ASPRV1: variants seen among roughly 807,000 people sequenced by gnomAD.
ASPRV1 encodes the protein retroviral-like aspartic protease 1.
Under a neutral mutation model 11.0 loss-of-function variants are expected in ASPRV1, and 7 were observed. The observed-to-expected ratio is 0.64, with a 90% CI of 0.36 to 1.20. The LOEUF (loss-of-function observed/expected upper bound fraction) is 1.20. Ranked by LOEUF, ASPRV1 falls within the 50% of genes most tolerant of loss-of-function variation. ASPRV1 has a pLI of 0.02. For missense variants in ASPRV1, 299 were observed against 320.0 expected, an observed-to-expected ratio of 0.93 and a Z score of 0.50; for synonymous variants, 136 against 138.4, an observed-to-expected ratio of 0.98 and a Z score of 0.12.
At chr2:70,063,568 T>C in the ASPRV1 span, among the ~76,000 whole-genome samples, 1 of 152,204 alleles carries the variant, frequency 6.6e-6, no homozygotes, top group Non-Finnish European at 1.5e-5. Flanking sequence ...TGCAGGCTTC[T>C]GTACATGCAA....
the ASPRV1 span, chr2:69,937,947 G>C: frequency 5.8e-6 from 4 of 685,456 alleles, no homozygotes; most frequent in Non-Finnish European, 9.7e-6. Flanking sequence ...GGGTTTCACT[G>C]TGTTGGCCCA....
the ASPRV1 span, chr2:69,976,475 T>C: frequency 7.3e-4 from 111 of 152,336 alleles, no homozygotes; most frequent in African/African-American, 2.5e-3. Context: ...CTCGGGTTCT[T>C]GGATAGCAGA....
the ASPRV1 span, among the ~76,000 whole-genome samples, chr2:69,977,346 G>A: frequency 6.6e-6 from 1 of 152,164 alleles, no homozygotes; most frequent in Non-Finnish European, 1.5e-5. Flanking sequence ...ACTGTGGGTG[G>A]GAAGTCACTG....
the ASPRV1 span, among the ~76,000 whole-genome samples, chr2:70,068,027 G>A: frequency 1.3e-5 from 2 of 152,172 alleles, no homozygotes; most frequent in African/African-American, 2.4e-5. Context: ...GTCTACCTCT[G>A]AAATGTTAAC....
the ASPRV1 span, among the ~76,000 whole-genome samples, chr2:69,934,568 G>T: frequency 2.4e-4 from 37 of 152,130 alleles, no homozygotes; most frequent in Non-Finnish European, 4.7e-4. Context: ...ATCTCTGTCT[G>T]ACTGTTCCTT....
the ASPRV1 span, among the ~76,000 whole-genome samples, chr2:69,970,500 G>A: frequency 6.6e-6 from 1 of 152,110 alleles, no homozygotes; most frequent in Non-Finnish European, 1.5e-5. Flanking sequence ...AAGCCACTCA[G>A]CCAGATGAGC....
At chr2:70,002,550 G>C in the ASPRV1 span, among the ~76,000 whole-genome samples, 2 of 152,338 alleles carry the variant, frequency 1.3e-5, no homozygotes, top group African/African-American at 2.4e-5. Flanking sequence ...CTAGTTCTAT[G>C]AAGATGCCTA....
chr2:70,054,534 G>A, the ASPRV1 span, among the ~76,000 whole-genome samples: 2 of 151,732 alleles, frequency 1.3e-5, no homozygotes, highest in Non-Finnish European at 2.9e-5. Flanking sequence ...CCGAGATCGC[G>A]CCACTGCACT....
the ASPRV1 span, chr2:69,975,702 C>T: frequency 1.3e-5 from 2 of 152,424 alleles, no homozygotes; most frequent in Admixed American, 6.5e-5. Flanking sequence ...GTGCCCAGCA[C>T]GCAGTAGGGG....
chr2:70,040,056 T>G, the ASPRV1 span, among the ~76,000 whole-genome samples: 1 of 152,198 alleles, frequency 6.6e-6, no homozygotes, highest in Non-Finnish European at 1.5e-5. Context: ...TTAAGAGCTA[T>G]CCAGGTTACA....
downstream of ASPRV1, among the ~76,000 whole-genome samples, chr2:69,955,167 C>CT (rs1473737210): frequency 2.0e-5 from 3 of 152,218 alleles, no homozygotes; most frequent in Non-Finnish European, 4.4e-5. Flanking sequence ...GGCGTCATGT[C>CT]TGACAGCTGC....
chr2:70,076,859 G>C, the ASPRV1 span, among the ~76,000 whole-genome samples: 1 of 152,198 alleles, frequency 6.6e-6, no homozygotes, highest in African/African-American at 2.4e-5. Context: ...GAACGTGTCA[G>C]TAGGCCAGGA....
chr2:70,073,639 G>T, the ASPRV1 span, among the ~76,000 whole-genome samples: 1 of 152,134 alleles, frequency 6.6e-6, no homozygotes, highest in Non-Finnish European at 1.5e-5. Context: ...TGGGAGAAAG[G>T]CAAGGAATGA....
the ASPRV1 span, chr2:69,988,555 G>A: frequency 1.5e-5 from 5 of 339,860 alleles, no homozygotes; most frequent in South Asian, 2.3e-5. Flanking sequence ...TGTTTAGTGG[G>A]TAGAGAGTTT....
At chr2:69,976,269 T>C in the ASPRV1 span, 2 of 152,708 alleles carry the variant, frequency 1.3e-5, no homozygotes, top group South Asian at 2.1e-4. Context: ...GGTCTTCTTG[T>C]AGTTCTCCTT....
At chr2:70,049,243 TG>T in the ASPRV1 span, 1 of 137,496 alleles carries the variant, frequency 7.3e-6, no homozygotes, top group Non-Finnish European at 1.5e-5. Flanking sequence ...ACATGAATTT[TG>T]GGGGATACTA....
At chr2:70,052,510 G>GC in the ASPRV1 span, among the ~76,000 whole-genome samples, 1 of 152,148 alleles carries the variant, frequency 6.6e-6, no homozygotes, top group Non-Finnish European at 1.5e-5. Flanking sequence ...CAGGCTGAGT[G>GC]CCAGGCAACA....
chr2:70,014,916 A>C, the ASPRV1 span, among the ~76,000 whole-genome samples: 8 of 152,204 alleles, frequency 5.3e-5, no homozygotes, highest in Non-Finnish European at 1.2e-4. Context: ...TATATTTTTA[A>C]AATTCCTACA....
At chr2:70,069,217 C>T in the ASPRV1 span, 1 of 152,134 alleles carries the variant, frequency 6.6e-6, no homozygotes, top group Non-Finnish European at 1.5e-5. Flanking sequence ...AAAAAAACAA[C>T]CCAAGGTGAG....
Sources: gnomAD v4.1 joint callset for allele counts (sites outside exome capture counted in the v4.1 genomes callset) on GRCh38, gnomAD v4.1.1 for gene constraint, MANE v1.5 for transcripts, NCBI Gene and HGNC (gene_info 2026-07-23, HGNC 2026-07-21) for gene names.